TAX1BP3: variants seen among roughly 807,000 people sequenced by gnomAD.
The protein encoded by TAX1BP3 is Tax1 binding protein 3.
Under a neutral mutation model 15.3 loss-of-function variants are expected in TAX1BP3, and 13 were observed. The observed-to-expected ratio is 0.85, with a 90% CI of 0.55 to 1.35. The LOEUF (loss-of-function observed/expected upper bound fraction) is 1.35. Ranked by LOEUF, TAX1BP3 falls within the 40% of genes most tolerant of loss-of-function variation. The probability of loss-of-function intolerance (pLI) is 0.00; values close to 1 mark genes in which losing one functional copy is unlikely to be tolerated. For missense variants in TAX1BP3, 147 were observed against 169.6 expected, an observed-to-expected ratio of 0.87 and a Z score of 0.74; for synonymous variants, 70 against 66.0, an observed-to-expected ratio of 1.06 and a Z score of -0.30.
chr17:3,665,225 G>A (rs944903422), intron 1 of TAX1BP3: 9 of 1,333,968 alleles, frequency 6.7e-6, no homozygotes, highest in Admixed American at 5.1e-5. Flanking sequence ...CCAAAATGAC[G>A]AACACAAAGG....
chr17:3,668,359 C>T lies in TAX1BP3; in HGVS notation c.39+129G>A. 1 of 1,255,078 alleles carries T rather than the reference C, an allele frequency of 8.0e-7. No individual in the cohort carries two copies. 77.7% of individuals were successfully genotyped at this position (1,255,078 alleles called of 1,614,324 possible). A position where few individuals can be genotyped will look rare whatever the true frequency, so the allele number is the denominator to read the frequency against. ...GGCCCGCTCCGGCAAAGCGGGGACC[C>T]GAGCCCTTGCCGCCGGTTCGCAGGA... On this transcript the variant is annotated intron_variant, in intron 1 of 3. Coordinates refer to ENST00000225525, the MANE Select transcript of TAX1BP3 (RefSeq NM_014604.4). The surrounding 1 kb of genome is among the most constrained non-coding windows in gnomAD (Gnocchi z 4.1).
At chr17:3,666,589 G>C (rs1385337411) in intron 1 of TAX1BP3, among the ~76,000 whole-genome samples, 1 of 152,188 alleles carries the variant, frequency 6.6e-6, no homozygotes, top group Non-Finnish European at 1.5e-5. Context: ...GGGTTCAGAA[G>C]AATGGCCTAA....
chr17:3,666,440 CAA>C (rs1336364412), intron 1 of TAX1BP3, among the ~76,000 whole-genome samples: 3 of 152,038 alleles, frequency 2.0e-5, no homozygotes, highest in African/African-American at 7.2e-5. Context: ...GGAGAGGAGT[CAA>C]GAGGAGCACC....
intron 3 of TAX1BP3, 65 bp from the exon 4 acceptor site, chr17:3,663,950 G>A: frequency 6.4e-7 from 1 of 1,567,302 alleles, no homozygotes. Context: ...GAAGCAGAGG[G>A]CTTTGGGGGC....
At chr17:3,664,853 T>A (rs889337275) in intron 1 of TAX1BP3, 55 bp from the exon 2 acceptor site, 5 of 1,587,266 alleles carry the variant, frequency 3.2e-6, no homozygotes, top group African/African-American at 2.7e-5. Context: ...ATTAGGCTGG[T>A]GGGTGTTCCC....
rs2076315009 is a variant in TAX1BP3, at chr17:3,664,359, C to T, written c.160-87G>A. 3 of 1,485,840 alleles carry T rather than the reference C, an allele frequency of 2.0e-6. No individual in the cohort carries two copies. In the South Asian group the frequency reaches 3.5e-5, roughly 17 times the overall value. 92.0% of individuals were successfully genotyped at this position (1,485,840 alleles called of 1,614,324 possible). On this transcript the variant is annotated intron_variant, in intron 2 of 3. Coordinates refer to ENST00000225525, the MANE Select transcript of TAX1BP3 (RefSeq NM_014604.4). Reference sequence around the variant, plus strand: ...GGAAGCCAGCATGGCACATTCTCAGCCGTCCCTCTGTCCCTGCACCCAGCC... The same window carrying T: ...GGAAGCCAGCATGGCACATTCTCAGTCGTCCCTCTGTCCCTGCACCCAGCC...
At chr17:3,666,382 G>T (rs1243438090) in intron 1 of TAX1BP3, among the ~76,000 whole-genome samples, 1 of 151,838 alleles carries the variant, frequency 6.6e-6, no homozygotes, top group Non-Finnish European at 1.5e-5. Context: ...CGGGGGACAT[G>T]GAGCTACCTG....
intron 1 of TAX1BP3, chr17:3,665,313 C>G (rs222756): frequency 7.1e-6 from 9 of 1,262,794 alleles, no homozygotes; most frequent in Non-Finnish European, 1.0e-5. Flanking sequence ...CACATATATG[C>G]GAATCTATAA....
At chr17:3,665,778 A>C in intron 1 of TAX1BP3, 2 of 611,212 alleles carry the variant, frequency 3.3e-6, no homozygotes, top group Non-Finnish European at 5.8e-6. Context: ...AAGGAGAGGA[A>C]GGGCTTGCCG....
intron 2 of TAX1BP3, 27 bp downstream of exon 2, chr17:3,664,652 C>T (rs199536738): frequency 2.5e-5 from 40 of 1,612,184 alleles, no homozygotes; most frequent in Middle Eastern, 1.7e-4. Flanking sequence ...CCCCATGGAG[C>T]GGTCCCAGGA....
At chr17:3,665,791 C>T (rs911658072) in intron 1 of TAX1BP3, 8 of 645,864 alleles carry the variant, frequency 1.2e-5, no homozygotes, top group Non-Finnish European at 1.9e-5. Context: ...GCTTGCCGGC[C>T]ACGGGGACCA....
At chr17:3,665,757 A>AAG (rs1365503462) in intron 1 of TAX1BP3, 5 of 615,270 alleles carry the variant, frequency 8.1e-6, no homozygotes, top group Non-Finnish European at 1.2e-5. Context: ...AAAAAAAAAA[A>AAG]AAAAAAAAGA....
At position 3,665,238 on chromosome 17, in the gene TAX1BP3, A is replaced by G. The variant is rs549287355; in HGVS notation, c.40-440T>C. The G allele has an allele frequency of 8.1e-4, 1,125 of 1,381,616 alleles. 1 individual carries two copies. Among genetic ancestry groups the G allele is most frequent in the Middle Eastern group, 5.7e-3 (31 of 5,450 alleles). 85.6% of individuals were successfully genotyped at this position (1,381,616 alleles called of 1,614,324 possible). On this transcript the variant is annotated intron_variant, in intron 1 of 3. Transcript: ENST00000225525. Reference sequence around the variant, plus strand: ...CGCCAAAATGACGAACACAAAGGGAAAGAGGAGAGGCACCGGATATATGTT... The same window carrying G: ...CGCCAAAATGACGAACACAAAGGGAGAGAGGAGAGGCACCGGATATATGTT...
chr17:3,664,079 C>T, intron 3 of TAX1BP3, 116 bp downstream of exon 3: 3 of 1,481,112 alleles, frequency 2.0e-6, no homozygotes, highest in Non-Finnish European at 2.8e-6. Context: ...AGTATGGGTT[C>T]CCAATTGGCT....
intron 2 of TAX1BP3, 139 bp downstream of exon 2, chr17:3,664,540 G>A (rs950544020): frequency 8.0e-7 from 1 of 1,251,422 alleles, no homozygotes; most frequent in Non-Finnish European, 1.1e-6. Context: ...ATTCTCACTA[G>A]GTCACTTCCG....
Position 3,668,465 on chromosome 17 carries a change from G to A in TAX1BP3, c.39+23C>T, listed in dbSNP as rs753285548. On this transcript the variant is annotated intron_variant, in intron 1 of 3. Transcript: ENST00000225525. The surrounding 1 kb of genome is among the most constrained non-coding windows in gnomAD (Gnocchi z 4.1). ...AGGTGGGGTCAGGCCAAGACGAGGA[G>A]GAGCCCGCGCAAGCGCACTCACCAC... is the stretch of plus-strand genomic sequence containing the variant. 1 of 1,607,440 alleles carries A rather than the reference G, an allele frequency of 6.2e-7. No individual in the cohort carries two copies. The highest frequency in any genetic ancestry group is 8.5e-7 in the Non-Finnish European group (1 of 1,177,666).
At chr17:3,665,860 G>C (rs1165571506) in intron 1 of TAX1BP3, among the ~76,000 whole-genome samples, 3 of 152,020 alleles carry the variant, frequency 2.0e-5, no homozygotes, top group Non-Finnish European at 4.4e-5. Flanking sequence ...GCAGGACACA[G>C]AACTGGGAGG....
In TAX1BP3 at chr17:3,663,773, G is replaced by T; in HGVS notation, c.350C>A (p.Ala117Asp). 6.2e-7 allele frequency: 1 copy of T among 1,604,706 alleles called. No individual in the cohort carries two copies. Among genetic ancestry groups the T allele is most frequent in the Non-Finnish European group, 8.5e-7 (1 of 1,179,392 alleles). The change falls in exon 4 of 4, where the codon GCC becomes GAC. Residue 117 changes from alanine to aspartate, a missense_variant. Ala to Asp is a moderately radical substitution (Grantham distance 126). Transcript: ENST00000225525. ...CTAGGACAGCATGGACTGCTGCACG[G>T]CCTTCTGCAGCGACTGCCGCGTCAC... ...LLVTRQSLQKAVQQSMLS is the reference protein window; with the variant it reads ...LLVTRQSLQKDVQQSMLS
rs1567720773 is a variant in TAX1BP3 at position 3,663,633 on chromosome 17, A to G, written c.*115T>C. 25 of 1,448,844 alleles carry G rather than the reference A, an allele frequency of 1.7e-5. No homozygotes were observed. The highest frequency in any genetic ancestry group is 4.7e-5 in the East Asian group (2 of 42,346). 89.7% of individuals were successfully genotyped at this position (1,448,844 alleles called of 1,614,324 possible). A position where few individuals can be genotyped will look rare whatever the true frequency, so the allele number is the denominator to read the frequency against. On this transcript the variant is annotated 3_prime_UTR_variant, in exon 4 of 4. Coordinates refer to ENST00000225525, the MANE Select transcript of TAX1BP3 (RefSeq NM_014604.4). ...CCAGGCCAGGCCTCTGGGACCAGCT[A>G]TAGCCCTTCTGAGCTGGGGCCCAGC...
Sources: gnomAD v4.1 joint callset for allele counts (sites outside exome capture counted in the v4.1 genomes callset) on GRCh38, gnomAD v4.1.1 for gene constraint, Gnocchi (gnomAD v3.1) non-coding constraint, MANE v1.5 for transcripts, NCBI Gene and HGNC (gene_info 2026-07-23, HGNC 2026-07-21) for gene names.